Variants in KCNH7 observed in about 807,000 individuals in gnomAD.
KCNH7 encodes potassium voltage-gated channel subfamily H member 7.
Under a neutral mutation model 120.8 loss-of-function variants are expected in KCNH7, and 49 were observed. The ratio of observed to expected loss-of-function variants is 0.41; its 90% confidence interval spans 0.32 to 0.51. The LOEUF is 0.51. Ranked by LOEUF, KCNH7 falls within the 20% of genes least tolerant of loss-of-function variation. The pLI is 0.38. For synonymous variants in KCNH7, 547 were observed against 516.1 expected (o/e 1.06, Z -0.81); for missense variants, 1,097 against 1,446.6 (o/e 0.76, Z 3.92).
intron 2 of KCNH7, among the ~76,000 whole-genome samples, chr2:162,806,189 T>C (rs1356548490): frequency 6.6e-6 from 1 of 152,100 alleles, no homozygotes; most frequent in Non-Finnish European, 1.5e-5. Flanking sequence ...CACTATGTAA[T>C]TCATCCATGT....
At chr2:162,781,816 A>G (rs1273726674) in intron 2 of KCNH7, among the ~76,000 whole-genome samples, 1 of 152,134 alleles carries the variant, frequency 6.6e-6, no homozygotes, top group Non-Finnish European at 1.5e-5. Flanking sequence ...CAAGCAGAGA[A>G]CACATTGCTT....
intron 2 of KCNH7, among the ~76,000 whole-genome samples, chr2:162,549,417 A>G (rs1692591781): frequency 6.6e-6 from 1 of 152,250 alleles, no homozygotes; most frequent in South Asian, 2.1e-4. Flanking sequence ...TTGCCTGATG[A>G]CTTTGAAGCT....
At chr2:162,657,335 C>T (rs1385221590) in intron 2 of KCNH7, among the ~76,000 whole-genome samples, 1 of 152,148 alleles carries the variant, frequency 6.6e-6, no homozygotes, top group African/African-American at 2.4e-5. Flanking sequence ...TCCCTGAGCC[C>T]TTTGCAACCA....
chr2:162,645,009 A>G (rs2105245476), intron 2 of KCNH7, among the ~76,000 whole-genome samples: 1 of 152,244 alleles, frequency 6.6e-6, no homozygotes, highest in Non-Finnish European at 1.5e-5. Flanking sequence ...GCCTACTTAT[A>G]TTTAACTAGT....
chr2:162,787,245 C>T (rs888397837), intron 2 of KCNH7, among the ~76,000 whole-genome samples: 16 of 152,242 alleles, frequency 1.1e-4, no homozygotes, highest in East Asian at 3.9e-4. Flanking sequence ...AGGTCAGTGC[C>T]CACAGACCCA....
Position 162,577,371 on chromosome 2 carries a change from A to ATCTC in KCNH7, c.308-40292_308-40291insGAGA, listed in dbSNP as rs778346379. Among the ~76,000 whole-genome samples, 283 of 150,258 alleles carry ATCTC rather than the reference A, an allele frequency of 1.9e-3. 2 individuals are homozygous for ATCTC. The highest frequency in any genetic ancestry group is 6.6e-3 in the African/African-American group (270 of 40,680). Reference sequence around the variant, plus strand: ...ATCCTATCTATCTATCTATCTATCTATCTATCTATCTATCTATCTATCTAT... The same window carrying ATCTC: ...ATCCTATCTATCTATCTATCTATCTATCTCTCTATCTATCTATCTATCTATCTAT... On this transcript the variant is annotated intron_variant, in intron 2 of 15. Coordinates refer to ENST00000332142, the MANE Select transcript of KCNH7 (RefSeq NM_033272.4).
At chr2:162,564,645 T>C (rs1037171601) in intron 2 of KCNH7, among the ~76,000 whole-genome samples, 1 of 152,156 alleles carries the variant, frequency 6.6e-6, no homozygotes, top group Non-Finnish European at 1.5e-5. Context: ...ATTTTATGCA[T>C]GACCTTGACC....
At chr2:162,647,611 T>C (rs1404801172) in intron 2 of KCNH7, among the ~76,000 whole-genome samples, 1 of 152,144 alleles carries the variant, frequency 6.6e-6, no homozygotes, top group African/African-American at 2.4e-5. Flanking sequence ...TCATGAGATC[T>C]CATGGTTTTA....
At chr2:162,799,808 C>T (rs1452201501) in intron 2 of KCNH7, among the ~76,000 whole-genome samples, 2 of 151,848 alleles carry the variant, frequency 1.3e-5, no homozygotes, top group African/African-American at 4.8e-5. Flanking sequence ...GTTCCTGGTT[C>T]GCATTTCAAA....
chr2:162,653,472 C>T (rs897378787), intron 2 of KCNH7, among the ~76,000 whole-genome samples: 4 of 152,124 alleles, frequency 2.6e-5, no homozygotes, highest in Non-Finnish European at 4.4e-5. Context: ...AAAACAATCT[C>T]ACTTACAATA....
chr2:162,486,374 T>C (rs1690094992), intron 6 of KCNH7, among the ~76,000 whole-genome samples: 1 of 152,174 alleles, frequency 6.6e-6, no homozygotes, highest in Admixed American at 6.5e-5. Flanking sequence ...CTTTTCTCCA[T>C]TACTCTGCAG....
intron 2 of KCNH7, among the ~76,000 whole-genome samples, chr2:162,637,324 T>C (rs972023208): frequency 1.3e-5 from 2 of 152,094 alleles, no homozygotes; most frequent in Admixed American, 1.3e-4. Flanking sequence ...ACTTTCCATG[T>C]AGGTGTCTGC....
intron 2 of KCNH7, among the ~76,000 whole-genome samples, chr2:162,810,858 CCTT>C (rs1297044934): frequency 1.3e-5 from 2 of 152,010 alleles, no homozygotes; most frequent in Non-Finnish European, 2.9e-5. Context: ...AAAATACAAA[CCTT>C]CTTTTCGTAA....
In KCNH7 at chr2:162,373,628, T is replaced by C. The variant is rs749798515; in HGVS notation, c.3166A>G (p.Ile1056Val). ...GTTTGTTTCTGCAGCAACTGTAAGA[T>C]GGTCTGGATGTCAGTGGTCATTTGG... ...ESQMTTDIQT[I>V]LQLLQKQTTV... is the part of the protein sequence containing the mutation. Residue 1056 changes from isoleucine to valine, a missense_variant, in exon 15 of 16, where the codon ATC becomes GTC. This residue lies in a region of KCNH7 where 406 missense variants were observed against 410.5 expected (regional missense o/e 0.99). Coordinates refer to ENST00000332142, the MANE Select transcript of KCNH7 (RefSeq NM_033272.4). 6.5e-7 allele frequency: 1 copy of C among 1,550,026 alleles called. No individual in the cohort carries two copies. Among genetic ancestry groups the C allele is most frequent in the South Asian group, 1.2e-5 (1 of 81,810 alleles).
At chr2:162,786,324 G>A (rs1683703636) in intron 2 of KCNH7, among the ~76,000 whole-genome samples, 3 of 150,554 alleles carry the variant, frequency 2.0e-5, no homozygotes, top group South Asian at 4.2e-4. Context: ...TGTTTCATGA[G>A]CTTGACCTAT....
intron 2 of KCNH7, among the ~76,000 whole-genome samples, chr2:162,706,975 T>C (rs1686727932): frequency 6.6e-6 from 1 of 152,138 alleles, no homozygotes; most frequent in African/African-American, 2.4e-5. Context: ...TCCGGTTTCA[T>C]GGTGTTCTTT....
rs568555738 is a variant in KCNH7 at position 162,819,558 on chromosome 2, A to T, written c.307+16979T>A. On this transcript the variant is annotated intron_variant, in intron 2 of 15. Transcript: ENST00000332142. ...AAATAGAAATTTTAATTAAAATGAT[A>T]CTAGTAAATTTAGGTATATGGATCA... 1.2e-3 allele frequency among the ~76,000 whole-genome samples: 186 copies of T among 152,336 alleles called. 1 individual carries two copies. Among genetic ancestry groups the T allele is most frequent in the African/African-American group, 4.3e-3 (177 of 41,570 alleles).
intron 2 of KCNH7, among the ~76,000 whole-genome samples, chr2:162,788,335 A>C (rs1309893792): frequency 1.3e-5 from 2 of 152,186 alleles, no homozygotes; most frequent in African/African-American, 4.8e-5. Context: ...GAAGTTCAAT[A>C]AGCTACAAGA....
intron 6 of KCNH7, among the ~76,000 whole-genome samples, chr2:162,462,537 AAGAGAGAGAGAG>A (rs10589133): frequency 1.4e-5 from 2 of 147,598 alleles, no homozygotes; most frequent in South Asian, 2.1e-4. Context: ...GAGAGAGAGC[AAGAGAGAGAGAG>A]AGAGAGAGAG....
Sources: gnomAD v4.1 joint callset for allele counts (sites outside exome capture counted in the v4.1 genomes callset) on GRCh38, gnomAD v4.1.1 for gene constraint, gnomAD v4.1.1 regional missense constraint, MANE v1.5 for transcripts, NCBI Gene and HGNC (gene_info 2026-07-23, HGNC 2026-07-21) for gene names.